The following CAPZB variants were observed in gnomAD, a reference collection of about 807,000 sequenced individuals.
CAPZB encodes the protein F-actin-capping protein subunit beta.
A neutral mutation model predicts 38.1 loss-of-function variants in CAPZB; 2 were observed. The observed-to-expected ratio is 0.05, with a 90% CI of 0.02 to 0.17. CAPZB has a LOEUF of 0.17. CAPZB is among the 10% of genes least tolerant of loss of function. The pLI is 1.00. For synonymous variants in CAPZB, 107 were observed against 127.4 expected (o/e 0.84, Z 1.08); for missense variants, 161 against 334.2 (o/e 0.48, Z 4.04).
rs150532281 is a variant in CAPZB at position 19,464,074 on chromosome 1, C to T, written c.3+21362G>A. On this transcript the variant is annotated intron_variant, in intron 1 of 8. Coordinates refer to ENST00000264202, the MANE Select transcript of CAPZB (RefSeq NM_004930.5). ...TGGTGGTGCACACCTGTAATCTCAGCTACTCAGGAGGCTGAGGCAGGAGAA... is the reference window on the plus strand; with the variant it reads ...TGGTGGTGCACACCTGTAATCTCAGTTACTCAGGAGGCTGAGGCAGGAGAA... Among the ~76,000 whole-genome samples, 909 of 150,978 alleles carry T rather than the reference C, an allele frequency of 6.0e-3. 12 individuals are homozygous for T. The highest frequency in any genetic ancestry group is 0.021 in the African/African-American group (864 of 41,160).
At chr1:19,458,716 C>T (rs897176936) in intron 1 of CAPZB, among the ~76,000 whole-genome samples, 1 of 152,222 alleles carries the variant, frequency 6.6e-6, no homozygotes, top group African/African-American at 2.4e-5. Flanking sequence ...GCGCTACCAC[C>T]CCTCTTCAAT....
At chr1:19,359,926 C>T (rs963449615) in intron 4 of CAPZB, among the ~76,000 whole-genome samples, 1 of 152,196 alleles carries the variant, frequency 6.6e-6, no homozygotes, top group Non-Finnish European at 1.5e-5. Flanking sequence ...ATTCTTGGGG[C>T]GAGGCGAGGT....
At chr1:19,411,074 T>C (rs1027927044) in intron 2 of CAPZB, among the ~76,000 whole-genome samples, 16 of 152,290 alleles carry the variant, frequency 1.1e-4, no homozygotes, top group African/African-American at 3.4e-4. Flanking sequence ...CCAGGCACAG[T>C]GGCTCACACC....
intron 6 of CAPZB, among the ~76,000 whole-genome samples, chr1:19,351,874 C>T (rs1376685357): frequency 3.3e-5 from 5 of 152,198 alleles, no homozygotes; most frequent in South Asian, 2.1e-4. Context: ...CTCCTGTTTC[C>T]GCCCTTCACA....
intron 2 of CAPZB, among the ~76,000 whole-genome samples, chr1:19,388,642 T>C (rs979221293): frequency 1.3e-5 from 2 of 152,202 alleles, no homozygotes; most frequent in African/African-American, 2.4e-5. Context: ...ATGAAAGCCC[T>C]GGCATTTTTT....
At chr1:19,387,866 G>A (rs566740011) in intron 2 of CAPZB, among the ~76,000 whole-genome samples, 4 of 152,372 alleles carry the variant, frequency 2.6e-5, no homozygotes, top group African/African-American at 9.6e-5. Flanking sequence ...GCCTGGCACA[G>A]GGAAATGCAC....
At chr1:19,458,512 G>T (rs934333198) in intron 1 of CAPZB, among the ~76,000 whole-genome samples, 10 of 152,268 alleles carry the variant, frequency 6.6e-5, no homozygotes, top group African/African-American at 2.4e-4. Flanking sequence ...CTGCCACCAA[G>T]CCTGGCTAAT....
chr1:19,484,699 G>A (rs1570395346), intron 1 of CAPZB: 1 of 1,100,782 alleles, frequency 9.1e-7, no homozygotes, highest in East Asian at 7.2e-5. Flanking sequence ...GCAGGGGGCA[G>A]GACCCTGATG....
chr1:19,392,716 G>A (rs1325841736), intron 2 of CAPZB, among the ~76,000 whole-genome samples: 1 of 152,054 alleles, frequency 6.6e-6, no homozygotes, highest in African/African-American at 2.4e-5. Context: ...GTTTGAACCC[G>A]GGAAGTCGAG....
Position 19,344,361 on chromosome 1 carries a change from A to G in CAPZB, c.728T>C (p.Leu243Pro). ...CTTGTGCTTTCTGGTACATTACCTC[A>G]GCCCATTGACGATATCCTTTGTTTT... ...FGKTKDIVNG[L>P]RSVQTFADKS... The change falls in exon 8 of 9, where the codon CTG (leucine) becomes CCG (proline). Residue 243 changes from leucine to proline, a missense_variant. Coordinates refer to ENST00000264202, the MANE Select transcript of CAPZB (RefSeq NM_004930.5). The G allele has an allele frequency of 6.2e-7, 1 of 1,611,042 alleles. No homozygotes were observed. Among genetic ancestry groups the G allele is most frequent in the Non-Finnish European group, 8.5e-7 (1 of 1,177,136 alleles).
chr1:19,423,249 T>C (rs10917447), intron 1 of CAPZB, among the ~76,000 whole-genome samples: 30,507 of 152,110 alleles, frequency 0.2, 3,424 homozygotes, highest in Admixed American at 0.24. Context: ...TGAAGCAACA[T>C]GGGAAAGCTT....
chr1:19,469,244 G>C (rs550014332), intron 1 of CAPZB, among the ~76,000 whole-genome samples: 1 of 152,196 alleles, frequency 6.6e-6, no homozygotes, highest in Non-Finnish European at 1.5e-5. Flanking sequence ...GCTGGTGGTG[G>C]CCAGAGGATT....
At chr1:19,442,581 T>C (rs1296163274) in intron 1 of CAPZB, among the ~76,000 whole-genome samples, 1 of 151,652 alleles carries the variant, frequency 6.6e-6, no homozygotes, top group African/African-American at 2.4e-5. Flanking sequence ...AGTCGAATGT[T>C]TACTGGACAT....
chr1:19,389,220 C>T lies in CAPZB; in HGVS notation c.94-3594G>A, dbSNP rs531664328. Among the ~76,000 whole-genome samples, 4 of 152,230 alleles carry T rather than the reference C, an allele frequency of 2.6e-5. No homozygotes were observed. In the East Asian group the frequency reaches 7.7e-4, roughly 29 times the overall value. ...CACTGATCCCGTCTCATACCCACGC[C>T]GTCCCTCCACCTCTGCCCGAAACTC... On this transcript the variant is annotated intron_variant, in intron 2 of 8. Coordinates refer to ENST00000264202, the MANE Select transcript of CAPZB (RefSeq NM_004930.5).
intron 1 of CAPZB, chr1:19,484,156 CG>C: frequency 6.3e-7 from 1 of 1,599,070 alleles, no homozygotes. Flanking sequence ...ACACCACGAG[CG>C]GAGCCAGCAC....
At chr1:19,456,903 G>T (rs1192371440) in intron 1 of CAPZB, among the ~76,000 whole-genome samples, 1 of 152,222 alleles carries the variant, frequency 6.6e-6, no homozygotes, top group Non-Finnish European at 1.5e-5. Context: ...AAGATGGTAA[G>T]AGCACTAATA....
chr1:19,345,283 G>C (rs2093954270), intron 6 of CAPZB, 31 bp from the exon 7 acceptor site: 2 of 1,580,384 alleles, frequency 1.3e-6, no homozygotes, highest in Non-Finnish European at 8.7e-7. Context: ...CCAAGTCAGA[G>C]AAAGCCAGAG....
chr1:19,462,484 A>C lies in CAPZB; in HGVS notation c.3+22952T>G, dbSNP rs559727663. Among the ~76,000 whole-genome samples the C allele has an allele frequency of 4.3e-3, 652 of 152,274 alleles. 2 individuals are homozygous for C. Among genetic ancestry groups the C allele is most frequent in the African/African-American group, 0.014 (576 of 41,556 alleles). Reference sequence around the variant, plus strand: ...AAAAAAAAAAAAATTAAAATTAAAAAAAGTCATCTGGTCCAAACCCTCAAT... The same window carrying C: ...AAAAAAAAAAAAATTAAAATTAAAACAAGTCATCTGGTCCAAACCCTCAAT... On this transcript the variant is annotated intron_variant, in intron 1 of 8. Coordinates refer to ENST00000264202, the MANE Select transcript of CAPZB (RefSeq NM_004930.5).
chr1:19,470,656 AC>A (rs2094583974), intron 1 of CAPZB, among the ~76,000 whole-genome samples: 1 of 152,166 alleles, frequency 6.6e-6, no homozygotes, highest in Admixed American at 6.5e-5. Context: ...CAAGCCCCAA[AC>A]CCCTGTGAGC....
Sources: gnomAD v4.1 joint callset for allele counts (sites outside exome capture counted in the v4.1 genomes callset) on GRCh38, gnomAD v4.1.1 for gene constraint, MANE v1.5 for transcripts, NCBI Gene and HGNC (gene_info 2026-07-23, HGNC 2026-07-21) for gene names.